The following ARHGEF18 variants were observed in gnomAD, a reference collection of about 807,000 sequenced individuals.
ARHGEF18 encodes Rho/Rac guanine nucleotide exchange factor 18.
ARHGEF18 carries 93 observed loss-of-function variants against 155.7 expected under a neutral mutation model. That is an observed-to-expected ratio of 0.60 (90% CI 0.50 to 0.71). The LOEUF (loss-of-function observed/expected upper bound fraction) is 0.71, where lower values mean the gene tolerates loss of function less well. ARHGEF18 is among the 30% of genes least tolerant of loss of function. The pLI is 0.00. For synonymous variants in ARHGEF18, 742 were observed against 753.1 expected (o/e 0.99, Z 0.24); for missense variants, 1,593 against 1,816.1 (o/e 0.88, Z 2.23).
chr19:7,476,886 A>C (rs1484693141), downstream of ARHGEF18: 3 of 329,434 alleles, frequency 9.1e-6, no homozygotes, highest in Non-Finnish European at 1.7e-5. Flanking sequence ...CCAGCACCAC[A>C]ATGTTTAATT....
At chr19:7,414,640 C>A (rs994538045) in intron 10 of ARHGEF18, among the ~76,000 whole-genome samples, 1 of 152,020 alleles carries the variant, frequency 6.6e-6, no homozygotes, top group Non-Finnish European at 1.5e-5. Context: ...GAAACCCCGT[C>A]TCTACTAAAA....
At chr19:7,373,930 T>A (rs1024944989) in intron 3 of ARHGEF18, among the ~76,000 whole-genome samples, 1 of 151,518 alleles carries the variant, frequency 6.6e-6, no homozygotes, top group African/African-American at 2.4e-5. Context: ...CGGCTAATTT[T>A]TTGTATTTTT....
Position 7,440,160 on chromosome 19 carries a change from G to A in ARHGEF18, c.968-184G>A. On this transcript the variant is annotated intron_variant, in intron 10 of 28. Transcript: ENST00000668164. This position sits in a 1 kb window ranked among gnomAD's most constrained non-coding sequence, Gnocchi z 5.4. ...GCACAGCGCGCTCCCCGGCCGCCCCGAGCTGTCTTTTTACGGCTCTTTCCC... is the reference window on the plus strand; with the variant it reads ...GCACAGCGCGCTCCCCGGCCGCCCCAAGCTGTCTTTTTACGGCTCTTTCCC... 6.4e-7 allele frequency: 1 copy of A among 1,551,384 alleles called. No individual in the cohort carries two copies. Among genetic ancestry groups the A allele is most frequent in the Non-Finnish European group, 8.7e-7 (1 of 1,146,932 alleles).
chr19:7,389,850 T>C (rs901670854), intron 10 of ARHGEF18, among the ~76,000 whole-genome samples: 1 of 152,118 alleles, frequency 6.6e-6, no homozygotes, highest in African/African-American at 2.4e-5. Flanking sequence ...AGACATCATT[T>C]GATTTTGATT....
At chr19:7,474,072 C>G (rs891677733), downstream of ARHGEF18, among the ~76,000 whole-genome samples, 2 of 151,862 alleles carry the variant, frequency 1.3e-5, no homozygotes, top group East Asian at 3.9e-4. Context: ...GACGCAGTGG[C>G]TCACGCCTGT....
intron 10 of ARHGEF18, among the ~76,000 whole-genome samples, chr19:7,416,803 CTG>C: frequency 6.7e-6 from 1 of 148,618 alleles, no homozygotes; most frequent in Non-Finnish European, 1.5e-5. Context: ...CGGGGTTTCA[CTG>C]TGTTAGCCAG....
chr19:7,384,224 A>G (rs1197538122), intron 10 of ARHGEF18, among the ~76,000 whole-genome samples: 2 of 152,124 alleles, frequency 1.3e-5, no homozygotes, highest in African/African-American at 4.8e-5. Flanking sequence ...ATTGTAGGAT[A>G]TTTAGTAGCA....
At chr19:7,402,035 T>A (rs139402028) in intron 10 of ARHGEF18, among the ~76,000 whole-genome samples, 13 of 152,096 alleles carry the variant, frequency 8.5e-5, no homozygotes, top group African/African-American at 2.9e-4. Flanking sequence ...GGACAGAAAG[T>A]GGATTAGTGG....
intron 8 of ARHGEF18, among the ~76,000 whole-genome samples, chr19:7,382,129 AG>A (rs1970775403): frequency 6.6e-6 from 1 of 151,944 alleles, no homozygotes; most frequent in Non-Finnish European, 1.5e-5. Flanking sequence ...AAGACCAATT[AG>A]GGCCGGGCGT....
At chr19:7,450,298 T>A (rs1317798473) in intron 15 of ARHGEF18, among the ~76,000 whole-genome samples, 1 of 101,942 alleles carries the variant, frequency 9.8e-6, no homozygotes, top group Non-Finnish European at 2.2e-5. Context: ...GCTTTCTGTT[T>A]CCATTTCCAA....
chr19:7,395,927 G>T lies in ARHGEF18; in HGVS notation c.967+12724G>T, dbSNP rs984793286. 2.6e-5 allele frequency among the ~76,000 whole-genome samples: 4 copies of T among 151,898 alleles called. No individual in the cohort carries two copies. The highest frequency in any genetic ancestry group is 5.9e-5 in the Non-Finnish European group (4 of 68,018). On this transcript the variant is annotated intron_variant, in intron 10 of 28. Coordinates refer to ENST00000668164, the MANE Select transcript of ARHGEF18 (RefSeq NM_001367823.1). This position sits in a 1 kb window ranked among gnomAD's most constrained non-coding sequence, Gnocchi z 5.0. ...ATATTGCGTGATGCTGAGGTTTGGG[G>T]TGTGACTGATCTCGTCACCCAGGTA...
intron 10 of ARHGEF18, among the ~76,000 whole-genome samples, chr19:7,436,874 T>G (rs1054086919): frequency 9.2e-5 from 14 of 152,204 alleles, no homozygotes; most frequent in African/African-American, 3.4e-4. Flanking sequence ...ACATCTTCAA[T>G]TGCTTTGTCT....
intron 1 of ARHGEF18, among the ~76,000 whole-genome samples, chr19:7,350,789 T>G (rs984943728): frequency 1.3e-5 from 2 of 150,272 alleles, no homozygotes; most frequent in East Asian, 3.9e-4. Context: ...TGTGTGTGTG[T>G]GTGTGTGTGT....
intron 17 of ARHGEF18, 25 bp downstream of exon 17, chr19:7,453,740 C>G (rs1456594074): frequency 6.6e-7 from 1 of 1,516,884 alleles, no homozygotes; most frequent in Admixed American, 2.1e-5. Flanking sequence ...CTGCCCACCT[C>G]TAGTGGGTGC....
intron 3 of ARHGEF18, 102 bp from the exon 4 acceptor site, chr19:7,375,618 A>G (rs1029801441): frequency 3.5e-6 from 4 of 1,153,480 alleles, no homozygotes; most frequent in Non-Finnish European, 4.4e-6. Flanking sequence ...CTTGTCCTGG[A>G]AGGGCCCCCT....
chr19:7,375,289 GAA>G (rs774121699), intron 3 of ARHGEF18, among the ~76,000 whole-genome samples: 1 of 107,282 alleles, frequency 9.3e-6, no homozygotes, highest in Non-Finnish European at 1.9e-5. Flanking sequence ...AAAAAAGAAA[GAA>G]AAGAAAGAAA....
chr19:7,373,048 G>A lies in ARHGEF18; in HGVS notation c.252G>A (p.Arg84=). Residue 84 remains arginine (R), a synonymous_variant, in exon 3 of 29, where the codon CGG becomes CGA. Coordinates refer to ENST00000668164, the MANE Select transcript of ARHGEF18 (RefSeq NM_001367823.1). ...GGCGGCGCAGCTGGGAAAGGTCGCGGAGCTGCTCAGAGAGCTGGCGGAGGT... is the reference window on the plus strand; with the variant it reads ...GGCGGCGCAGCTGGGAAAGGTCGCGAAGCTGCTCAGAGAGCTGGCGGAGGT... ...LSRRRSWERS[R]SCSESWRRLS... The A allele has an allele frequency of 8.1e-7, 1 of 1,234,460 alleles. No homozygotes were observed. The highest frequency in any genetic ancestry group is 1.0e-6 in the Non-Finnish European group (1 of 988,234). The allele number at this position is 1,234,460 out of a possible 1,614,324, so 76.5% of individuals were successfully genotyped here.
chr19:7,374,748 AC>A (rs1970354895), intron 3 of ARHGEF18, among the ~76,000 whole-genome samples: 1 of 151,912 alleles, frequency 6.6e-6, no homozygotes, highest in African/African-American at 2.4e-5. Context: ...AAATTTACAC[AC>A]CTGCTGAGAG....
At chr19:7,476,618 G>A (rs972215351), downstream of ARHGEF18, among the ~76,000 whole-genome samples, 4 of 152,208 alleles carry the variant, frequency 2.6e-5, no homozygotes, top group African/African-American at 4.8e-5. Flanking sequence ...ATGAGGCCAC[G>A]CCCTCGGGTG....
Sources: allele counts gnomAD v4.1 joint callset (sites outside exome capture counted in the v4.1 genomes callset), GRCh38; gene constraint gnomAD v4.1.1; non-coding constraint Gnocchi (gnomAD v3.1); transcripts MANE v1.5; gene names NCBI Gene and HGNC (gene_info 2026-07-23, HGNC 2026-07-21).